The following IPP variants were observed in gnomAD, a reference collection of about 807,000 sequenced individuals.
The protein encoded by IPP is intracisternal A particle-promoted polypeptide, also known as actin-binding protein IPP.
IPP carries 41 observed loss-of-function variants against 64.1 expected under a neutral mutation model. The observed-to-expected ratio is 0.64, with a 90% CI of 0.50 to 0.83. IPP has a LOEUF of 0.83. IPP is among the 40% of genes least tolerant of loss of function. The probability of loss-of-function intolerance (pLI) is 0.00; values close to 1 mark genes in which losing one functional copy is unlikely to be tolerated. For missense variants in IPP, 649 were observed against 703.0 expected, an observed-to-expected ratio of 0.92 and a Z score of 0.87; for synonymous variants, 214 against 235.2, an observed-to-expected ratio of 0.91 and a Z score of 0.83.
At chr1:45,740,770 AAG>A (rs1484462617) in intron 3 of IPP, 129 bp downstream of exon 3, 5 of 576,422 alleles carry the variant, frequency 8.7e-6, no homozygotes, top group African/African-American at 1.9e-5. Context: ...ATTTTAAAAA[AAG>A]AAAAAAAAAG....
intron 8 of IPP, among the ~76,000 whole-genome samples, chr1:45,708,511 T>C (rs374041209): frequency 4.1e-5 from 6 of 147,582 alleles, no homozygotes; most frequent in African/African-American, 7.5e-5. Context: ...AAACCCCGTC[T>C]TTAGGAATAA....
chr1:45,722,272 T>C (rs1293985950), intron 5 of IPP, among the ~76,000 whole-genome samples: 1 of 150,246 alleles, frequency 6.7e-6, no homozygotes, highest in Non-Finnish European at 1.5e-5. Context: ...AAAATAAAAA[T>C]ACAGGGTGGT....
intron 3 of IPP, among the ~76,000 whole-genome samples, chr1:45,740,493 G>A (rs571718971): frequency 4.3e-4 from 66 of 152,276 alleles, no homozygotes; most frequent in African/African-American, 1.5e-3. Context: ...GGCTGGCCGG[G>A]CGGGGGGCTG....
intron 8 of IPP, among the ~76,000 whole-genome samples, chr1:45,709,033 C>CAA (rs71058700): frequency 0.028 from 1,635 of 57,592 alleles, 150 homozygotes; most frequent in African/African-American, 0.11. Context: ...GACTCCATCT[C>CAA]AAAAAAAAAA....
intron 5 of IPP, among the ~76,000 whole-genome samples, chr1:45,726,000 CTTGT>C (rs1645820451): frequency 2.1e-5 from 3 of 145,098 alleles, no homozygotes; most frequent in African/African-American, 5.0e-5. Flanking sequence ...CCTTTGTTCA[CTTGT>C]TTATCTGCTG....
At chr1:45,747,088 T>C (rs921052781) in intron 1 of IPP, among the ~76,000 whole-genome samples, 3 of 151,888 alleles carry the variant, frequency 2.0e-5, no homozygotes, top group African/African-American at 7.2e-5. Flanking sequence ...CCTACCACCC[T>C]ACTCTTAGTG....
In IPP at chr1:45,744,418, C is replaced by T. The variant is rs190724230; in HGVS notation, c.292+1702G>A. 1.6e-3 allele frequency among the ~76,000 whole-genome samples: 246 copies of T among 152,250 alleles called. 1 individual carries two copies. The highest frequency in any genetic ancestry group is 2.7e-3 in the Non-Finnish European group (186 of 68,010). ...TTTTATTCAGAGATGGGGTCTCACT[C>T]TGTCTCCCAGTCCAGGGTGCAGCAG... On this transcript the variant is annotated intron_variant, in intron 2 of 8. Transcript: ENST00000396478.
At chr1:45,705,482 G>T (rs1337788303) in intron 8 of IPP, among the ~76,000 whole-genome samples, 1 of 152,136 alleles carries the variant, frequency 6.6e-6, no homozygotes, top group African/African-American at 2.4e-5. Context: ...TAAAGACCTA[G>T]AAAACTAGAT....
intron 6 of IPP, among the ~76,000 whole-genome samples, chr1:45,718,335 A>T (rs926384059): frequency 6.6e-5 from 10 of 152,250 alleles, no homozygotes; most frequent in African/African-American, 2.4e-4. Flanking sequence ...TTTGAGAATA[A>T]GAATTTAAAG....
Position 45,740,937 on chromosome 1 carries a change from A to G in IPP, c.688T>C (p.Leu230=). Residue 230 remains leucine, a synonymous_variant, in exon 3 of 9, where the codon TTA becomes CTA. Transcript: ENST00000396478. ...VEVLDPIRFP[L]LPPQRLLKYI... is the part of the protein sequence containing the mutation. ...TTTAAAAGTCTCTGAGGAGGTAATA[A>G]AGGGAATCGAATTGGGTCTAGCACT... 3 of 1,608,358 alleles carry G rather than the reference A, an allele frequency of 1.9e-6. No individual in the cohort carries two copies. Among genetic ancestry groups the G allele is most frequent in the Non-Finnish European group, 2.5e-6 (3 of 1,178,224 alleles).
chr1:45,738,311 AT>A (rs57580711), intron 3 of IPP, among the ~76,000 whole-genome samples: 41,701 of 147,362 alleles, frequency 0.28, 5,854 homozygotes, highest in Middle Eastern at 0.39. Context: ...ATTTAGTGTC[AT>A]TTTTTTTTTT....
At position 45,716,800 on chromosome 1, in the gene IPP, C is replaced by G. The variant is rs547901220; in HGVS notation, c.1309+95G>C. 635 of 1,068,320 alleles carry G rather than the reference C, an allele frequency of 5.9e-4. 1 individual carries two copies. The highest frequency in any genetic ancestry group is 7.8e-4 in the Non-Finnish European group (572 of 729,794). 66.2% of individuals were successfully genotyped at this position (1,068,320 alleles called of 1,614,324 possible). A position where few individuals can be genotyped will look rare whatever the true frequency, so the allele number is the denominator to read the frequency against. ...GCTAGTATCAGTCATTCAATACTAA[C>G]AGACTTAAAATATACTTTTGTGAAA... On this transcript the variant is annotated intron_variant, in intron 7 of 8. Coordinates refer to ENST00000396478, the MANE Select transcript of IPP (RefSeq NM_005897.3).
At chr1:45,703,410 A>G (rs887164814) in intron 8 of IPP, among the ~76,000 whole-genome samples, 1 of 148,142 alleles carries the variant, frequency 6.8e-6, no homozygotes, top group Non-Finnish European at 1.5e-5. Flanking sequence ...AGGTTTTACT[A>G]ACCATAAGTG....
At chr1:45,721,449 C>T (rs1231625694) in intron 5 of IPP, among the ~76,000 whole-genome samples, 1 of 152,188 alleles carries the variant, frequency 6.6e-6, no homozygotes, top group African/African-American at 2.4e-5. Flanking sequence ...GACAACACTT[C>T]CCACATGTTG....
chr1:45,717,032 A>C lies in IPP; in HGVS notation c.1187-15T>G, dbSNP rs747826654. 3.0e-5 allele frequency: 48 copies of C among 1,608,954 alleles called. No homozygotes were observed. The highest frequency in any genetic ancestry group is 3.4e-6 in the Non-Finnish European group (4 of 1,178,382). ...AACCCATCCACCTGTAATGAAATAG[A>C]AAAATGTTTGTTTCCGGGATAAAAG... is the stretch of plus-strand genomic sequence containing the variant. On this transcript the variant is annotated splice_polypyrimidine_tract_variant and intron_variant, in intron 6 of 8. Transcript: ENST00000396478.
At chr1:45,740,352 A>G (rs1459759863) in intron 3 of IPP, among the ~76,000 whole-genome samples, 1 of 152,134 alleles carries the variant, frequency 6.6e-6, no homozygotes, top group Non-Finnish European at 1.5e-5. Context: ...CCTCCCAGAC[A>G]GGGTGGTGGC....
chr1:45,725,036 C>T (rs1384982638), intron 5 of IPP, among the ~76,000 whole-genome samples: 10 of 136,942 alleles, frequency 7.3e-5, no homozygotes, highest in African/African-American at 1.4e-4. Context: ...GCCCCCCGCC[C>T]GGCCAGCCGC....
chr1:45,743,391 C>A (rs1444130912), intron 2 of IPP, among the ~76,000 whole-genome samples: 1 of 150,086 alleles, frequency 6.7e-6, no homozygotes, highest in African/African-American at 2.5e-5. Flanking sequence ...GTGTGCGCCA[C>A]TAAGCCCAGC....
chr1:45,721,397 C>T (rs909457351), intron 5 of IPP, among the ~76,000 whole-genome samples: 1 of 152,186 alleles, frequency 6.6e-6, no homozygotes, highest in Non-Finnish European at 1.5e-5. Context: ...CAGCTGCCTG[C>T]AAAAACCTTG....
Sources: gnomAD v4.1 joint callset for allele counts (sites outside exome capture counted in the v4.1 genomes callset) on GRCh38, gnomAD v4.1.1 for gene constraint, MANE v1.5 for transcripts, NCBI Gene and HGNC (gene_info 2026-07-23, HGNC 2026-07-21) for gene names.